The following MTX2 variants were observed in gnomAD, a reference collection of about 807,000 sequenced individuals.
The protein encoded by MTX2 is metaxin-2.
In MTX2, 35 loss-of-function variants were observed where a neutral mutation model predicts 42.3. That is an observed-to-expected ratio of 0.83 (90% CI 0.63 to 1.10). The LOEUF (loss-of-function observed/expected upper bound fraction) is 1.10. Ranked by LOEUF, MTX2 falls within the 50% of genes least tolerant of loss-of-function variation. The pLI, the probability that MTX2 is intolerant of heterozygous loss-of-function variation, is 0.00. For synonymous variants in MTX2, 119 were observed against 100.9 expected, an observed-to-expected ratio of 1.18 and a Z score of -1.08; for missense variants, 307 against 304.1, an observed-to-expected ratio of 1.01 and a Z score of -0.07.
At chr2:176,302,127 T>G (rs1254443699) in intron 3 of MTX2, among the ~76,000 whole-genome samples, 11 of 128,776 alleles carry the variant, frequency 8.5e-5, no homozygotes, top group Non-Finnish European at 3.2e-5. Flanking sequence ...AAAGCTGGTG[T>G]TTTTTTTTTT....
intron 8 of MTX2, among the ~76,000 whole-genome samples, chr2:176,329,933 A>G (rs1367021512): frequency 2.7e-5 from 4 of 150,812 alleles, no homozygotes; most frequent in Admixed American, 6.6e-5. Flanking sequence ...GTCTATCTAT[A>G]TTTTTGCTAC....
intron 3 of MTX2, among the ~76,000 whole-genome samples, chr2:176,308,542 G>A (rs748081170): frequency 6.6e-5 from 10 of 152,100 alleles, no homozygotes; most frequent in African/African-American, 2.2e-4. Context: ...TGGTTGGTAC[G>A]CTATTAATTA....
intron 1 of MTX2, among the ~76,000 whole-genome samples, chr2:176,275,435 C>T (rs921828161): frequency 9.2e-4 from 140 of 152,100 alleles, no homozygotes; most frequent in African/African-American, 3.2e-3. Context: ...GATGGGATTT[C>T]ACCATGTTGG....
intron 1 of MTX2, among the ~76,000 whole-genome samples, chr2:176,294,853 A>C (rs1050441432): frequency 6.6e-6 from 1 of 152,128 alleles, no homozygotes; most frequent in African/African-American, 2.4e-5. Flanking sequence ...TTGGGGAAAA[A>C]CGGCAATACT....
chr2:176,280,004 A>G (rs189108066), intron 1 of MTX2, among the ~76,000 whole-genome samples: 1 of 152,330 alleles, frequency 6.6e-6, no homozygotes, highest in Non-Finnish European at 1.5e-5. Flanking sequence ...ATGAAAAGAT[A>G]TAGTTAGATT....
At chr2:176,329,780 T>TG (rs1306122587) in intron 8 of MTX2, among the ~76,000 whole-genome samples, 3 of 150,334 alleles carry the variant, frequency 2.0e-5, no homozygotes, top group Non-Finnish European at 3.0e-5. Context: ...TTTTTTTTTT[T>TG]TTTAATTGAA....
intron 9 of MTX2, among the ~76,000 whole-genome samples, chr2:176,333,966 G>A (rs1045808682): frequency 1.3e-5 from 2 of 151,760 alleles, no homozygotes; most frequent in African/African-American, 4.8e-5. Flanking sequence ...TTCTCAGAAT[G>A]TATTCCTGTT....
intron 1 of MTX2, among the ~76,000 whole-genome samples, chr2:176,282,126 G>GTTTTTTTGTTTT (rs1693091383): frequency 3.8e-5 from 1 of 26,432 alleles, no homozygotes; most frequent in Non-Finnish European, 6.5e-5. Flanking sequence ...AGTTACAGTA[G>GTTTTTTTGTTTT]TTTTTTTTTT....
Position 176,295,254 on chromosome 2 carries a change from T to C in MTX2, c.41-1606T>C, listed in dbSNP as rs377557192. On this transcript the variant is annotated intron_variant, in intron 1 of 9. Transcript: ENST00000249442. ...AATGTAATGCATATAATTGAATCTT[T>C]GATGATTTAGAATTTTATAACGAAT... is the stretch of plus-strand genomic sequence containing the variant. 1.6e-3 allele frequency among the ~76,000 whole-genome samples: 243 copies of C among 152,292 alleles called. 2 individuals carry two copies. The highest frequency in any genetic ancestry group is 5.4e-3 in the African/African-American group (224 of 41,576).
intron 3 of MTX2, among the ~76,000 whole-genome samples, chr2:176,317,045 A>AC (rs1684460752): frequency 6.6e-6 from 1 of 151,482 alleles, no homozygotes; most frequent in Admixed American, 6.6e-5. Flanking sequence ...TTTTAAAAAA[A>AC]AAAAAACAAA....
At chr2:176,301,994 T>C (rs1169720495) in intron 3 of MTX2, among the ~76,000 whole-genome samples, 2 of 152,154 alleles carry the variant, frequency 1.3e-5, no homozygotes, top group African/African-American at 4.8e-5. Flanking sequence ...TGAGTGTCTT[T>C]ATATAATAAA....
At chr2:176,315,593 A>G (rs113908323) in intron 3 of MTX2, among the ~76,000 whole-genome samples, 5 of 152,152 alleles carry the variant, frequency 3.3e-5, no homozygotes, top group Non-Finnish European at 7.3e-5. Flanking sequence ...GATTACAGCA[A>G]TCCCCAGCTC....
chr2:176,296,964 A>G, intron 2 of MTX2, 57 bp downstream of exon 2: 1 of 1,491,816 alleles, frequency 6.7e-7, no homozygotes, highest in Non-Finnish European at 9.3e-7. Context: ...TATTACGGAA[A>G]AATCCTCAGT....
Position 176,326,902 on chromosome 2 carries a change from G to A in MTX2, c.285+1G>A. 6.7e-7 allele frequency: 1 copy of A among 1,491,382 alleles called. No homozygotes were observed. Among genetic ancestry groups the A allele is most frequent in the Non-Finnish European group, 9.2e-7 (1 of 1,088,496 alleles). 92.4% of individuals were successfully genotyped at this position (1,491,382 alleles called of 1,614,324 possible). Reference sequence around the variant, plus strand: ...AATAGTCCAATTTGTTAAAGCCAAGGTAATAAAAAGATATTAAATGTATTT... The same window carrying A: ...AATAGTCCAATTTGTTAAAGCCAAGATAATAAAAAGATATTAAATGTATTT... On this transcript the variant is annotated splice_donor_variant, in intron 5 of 9. Transcript: ENST00000249442. LOFTEE classifies it high-confidence loss of function.
intron 3 of MTX2, among the ~76,000 whole-genome samples, chr2:176,309,903 C>T (rs571071832): frequency 3.4e-4 from 52 of 152,140 alleles, no homozygotes; most frequent in African/African-American, 1.2e-3. Flanking sequence ...AGCCCATTTA[C>T]ATTTAAGGTT....
At position 176,310,010 on chromosome 2, in the gene MTX2, T is replaced by C. The variant is rs189834756; in HGVS notation, c.135+12115T>C. The stretch of plus-strand genomic sequence containing the variant: ...GTTTCTTCGTAACATCGATGGTCTT[T>C]ACAGTTTGGCCTGTTTTTGCCGTGG... On this transcript the variant is annotated intron_variant, in intron 3 of 9. Coordinates refer to ENST00000249442, the MANE Select transcript of MTX2 (RefSeq NM_006554.5). 5.3e-3 allele frequency among the ~76,000 whole-genome samples: 808 copies of C among 152,316 alleles called. 4 individuals carry two copies. Among genetic ancestry groups the C allele is most frequent in the Non-Finnish European group, 9.8e-3 (664 of 68,032 alleles).
At chr2:176,333,471 G>T (rs1467609844) in intron 9 of MTX2, among the ~76,000 whole-genome samples, 1 of 151,478 alleles carries the variant, frequency 6.6e-6, no homozygotes, top group Non-Finnish European at 1.5e-5. Flanking sequence ...TTTAACAAAG[G>T]CATACAGTTG....
At chr2:176,270,212 C>T in intron 1 of MTX2, 2 of 355,458 alleles carry the variant, frequency 5.6e-6, no homozygotes, top group South Asian at 2.6e-5. Context: ...CTTTTGTCAC[C>T]GAGGCTGGAG....
chr2:176,279,425 C>T (rs957825567), intron 1 of MTX2, among the ~76,000 whole-genome samples: 7 of 152,010 alleles, frequency 4.6e-5, no homozygotes, highest in Non-Finnish European at 8.8e-5. Context: ...ATGAACTAGC[C>T]TTCTTTTGAC....
Sources: gnomAD v4.1 joint callset for allele counts (sites outside exome capture counted in the v4.1 genomes callset) on GRCh38, gnomAD v4.1.1 for gene constraint, MANE v1.5 for transcripts, NCBI Gene and HGNC (gene_info 2026-07-23, HGNC 2026-07-21) for gene names.